BZW2: variants seen among roughly 807,000 people sequenced by gnomAD.
The protein encoded by BZW2 is basic leucine zipper and W2 domains 2.
A neutral mutation model predicts 53.2 loss-of-function variants in BZW2; 23 were observed. The observed-to-expected ratio is 0.43, with a 90% CI of 0.31 to 0.61. BZW2 has a LOEUF of 0.61. Among genes scored for constraint, BZW2 ranks in the 20% least tolerant of loss-of-function variants. BZW2 has a pLI of 0.09. For missense variants in BZW2, 409 were observed against 503.1 expected (o/e 0.81, Z 1.79); for synonymous variants, 227 against 186.4 (o/e 1.22, Z -1.77).
At chr7:16,688,748 G>C (rs186316070) in intron 6 of BZW2, among the ~76,000 whole-genome samples, 297 of 152,236 alleles carry the variant, frequency 2.0e-3, no homozygotes, top group African/African-American at 6.9e-3. Flanking sequence ...AGTGTTCATA[G>C]AACTGTCTTC....
intron 2 of BZW2, among the ~76,000 whole-genome samples, chr7:16,668,032 C>T (rs1782483690): frequency 6.6e-6 from 1 of 152,176 alleles, no homozygotes; most frequent in African/African-American, 2.4e-5. Flanking sequence ...GTTCAGAAAC[C>T]TAATTACAGT....
chr7:16,660,718 T>C (rs1048365390), intron 1 of BZW2, among the ~76,000 whole-genome samples: 3 of 152,168 alleles, frequency 2.0e-5, no homozygotes, highest in African/African-American at 7.2e-5. Context: ...AAACATTTAT[T>C]TGTCTAGTCA....
chr7:16,654,318 T>G (rs191902010), intron 1 of BZW2, among the ~76,000 whole-genome samples: 1 of 151,970 alleles, frequency 6.6e-6, no homozygotes, highest in Non-Finnish European at 1.5e-5. Flanking sequence ...GGACATTTCC[T>G]TCTCTATAAG....
intron 6 of BZW2, 135 bp from the exon 7 acceptor site, chr7:16,689,662 G>T (rs888954879): frequency 1.7e-6 from 1 of 579,660 alleles, no homozygotes; most frequent in Non-Finnish European, 3.0e-6. Flanking sequence ...TTGCCTAGAG[G>T]TCTATTGACT....
intron 2 of BZW2, 77 bp downstream of exon 2, chr7:16,665,578 CCT>C (rs1782399091): frequency 7.7e-6 from 12 of 1,562,992 alleles, no homozygotes; most frequent in Non-Finnish European, 1.0e-5. Flanking sequence ...CTGAATGATC[CCT>C]GTTTCCCCCA....
At chr7:16,701,810 C>G (rs1051887180) in intron 10 of BZW2, among the ~76,000 whole-genome samples, 2 of 152,158 alleles carry the variant, frequency 1.3e-5, no homozygotes, top group Non-Finnish European at 2.9e-5. Flanking sequence ...TAGTCCCTGA[C>G]TTCCTGAATT....
intron 7 of BZW2, 103 bp from the exon 8 acceptor site, chr7:16,694,731 C>T: frequency 3.1e-6 from 3 of 972,786 alleles, no homozygotes; most frequent in Admixed American, 2.6e-5. Flanking sequence ...TTATTCTTTT[C>T]TTCCAAATGT....
chr7:16,651,170 G>A (rs1318479914), intron 1 of BZW2, among the ~76,000 whole-genome samples: 1 of 152,136 alleles, frequency 6.6e-6, no homozygotes, highest in East Asian at 1.9e-4. Flanking sequence ...AACTTAAGAT[G>A]TAGAATTATT....
intron 1 of BZW2, among the ~76,000 whole-genome samples, chr7:16,656,141 A>ATATATATATATATATATATAT (rs1782116389): frequency 6.7e-6 from 1 of 149,746 alleles, no homozygotes; most frequent in African/African-American, 2.5e-5. Context: ...AAATGACTAT[A>ATATATATATATATATATATAT]TATATATATA....
intron 2 of BZW2, among the ~76,000 whole-genome samples, chr7:16,670,616 G>A (rs1782570691): frequency 6.6e-6 from 1 of 152,206 alleles, no homozygotes; most frequent in South Asian, 2.1e-4. Flanking sequence ...AGAATTGCCT[G>A]TTGGCTAGAC....
In BZW2 at chr7:16,694,987, G is replaced by C. The variant is rs1370634430; in HGVS notation, c.805G>C (p.Glu269Gln). The change falls in exon 8 of 12, where the codon GAA becomes CAA. Residue 269 changes from glutamate (E) to glutamine (Q), a missense_variant. By Grantham distance (29) the Glu-to-Gln change is conservative. This residue lies in a region of BZW2 where 316 missense variants were observed against 366.8 expected (regional missense o/e 0.86). Coordinates refer to ENST00000258761, the MANE Select transcript of BZW2 (RefSeq NM_014038.3). The part of the protein sequence containing the change: ...QKELQERLSQ[E>Q]CPIKEVVLYV... ...GGAGCTCCAGGAGCGTCTTTCTCAGGAATGCCCGATCAAGGAGGTGGGAGA... is the reference window on the plus strand; with the variant it reads ...GGAGCTCCAGGAGCGTCTTTCTCAGCAATGCCCGATCAAGGAGGTGGGAGA... The C allele has an allele frequency of 1.9e-6, 3 of 1,580,246 alleles. No homozygotes were observed. The African/African-American group carries it at 4.0e-5, about 21-fold the overall frequency.
chr7:16,670,850 C>G (rs1200912148), intron 2 of BZW2, among the ~76,000 whole-genome samples: 2 of 152,158 alleles, frequency 1.3e-5, no homozygotes, highest in African/African-American at 4.8e-5. Flanking sequence ...GACTTTTTAT[C>G]TCTTGTTCAT....
chr7:16,656,595 AC>A (rs1583701133), intron 1 of BZW2, among the ~76,000 whole-genome samples: 1 of 148,344 alleles, frequency 6.7e-6, no homozygotes. Flanking sequence ...ACACACACAC[AC>A]AAGTAGGTTT....
At chr7:16,666,179 C>G (rs1782420176) in intron 2 of BZW2, among the ~76,000 whole-genome samples, 1 of 152,058 alleles carries the variant, frequency 6.6e-6, no homozygotes, top group Admixed American at 6.5e-5. Context: ...ACTGCATCCT[C>G]AAACACCTGG....
At chr7:16,686,297 C>A in intron 6 of BZW2, 1 of 409,844 alleles carries the variant, frequency 2.4e-6, no homozygotes, top group Non-Finnish European at 4.3e-6. Context: ...ATTAAAATCT[C>A]ATGGAAGACT....
chr7:16,698,535 A>G (rs111716869), intron 10 of BZW2, among the ~76,000 whole-genome samples: 4 of 152,344 alleles, frequency 2.6e-5, no homozygotes, highest in African/African-American at 9.6e-5. Context: ...TCAAAATAGT[A>G]TATATATTAT....
At position 16,653,556 on chromosome 7, in the gene BZW2, C is replaced by T. The variant is rs574517774; in HGVS notation, c.-8+7268C>T. On this transcript the variant is annotated intron_variant, in intron 1 of 11. Coordinates refer to ENST00000258761, the MANE Select transcript of BZW2 (RefSeq NM_014038.3). ...GTGTGTGCTGTCCATAGCTCCTTTCCTCTAGGTGGAAAGTAAATCTCATAT... is the reference window on the plus strand; with the variant it reads ...GTGTGTGCTGTCCATAGCTCCTTTCTTCTAGGTGGAAAGTAAATCTCATAT... 3.9e-5 allele frequency among the ~76,000 whole-genome samples: 6 copies of T among 152,294 alleles called. No homozygotes were observed. The East Asian group carries it at 1.2e-3, about 29-fold the overall frequency.
chr7:16,683,760 C>T (rs528371405), intron 5 of BZW2, among the ~76,000 whole-genome samples: 7 of 152,248 alleles, frequency 4.6e-5, no homozygotes, highest in African/African-American at 9.6e-5. Context: ...GTTACTTTGT[C>T]ATTGCTTCCA....
intron 1 of BZW2, among the ~76,000 whole-genome samples, chr7:16,656,828 G>A (rs190863731): frequency 1.1e-3 from 174 of 152,240 alleles, no homozygotes; most frequent in Admixed American, 2.0e-3. Flanking sequence ...TTTTTGAATG[G>A]GTTATTAGCT....
Sources: gnomAD v4.1 joint callset for allele counts (sites outside exome capture counted in the v4.1 genomes callset) on GRCh38, gnomAD v4.1.1 for gene constraint, gnomAD v4.1.1 regional missense constraint, MANE v1.5 for transcripts, NCBI Gene and HGNC (gene_info 2026-07-23, HGNC 2026-07-21) for gene names.